Variants in SH3PXD2B observed in about 807,000 individuals in gnomAD.
SH3PXD2B encodes SH3 and PX domains 2B, also known as SH3 and PX domain-containing protein 2B.
In SH3PXD2B, 37 loss-of-function variants were observed where a neutral mutation model predicts 73.1. That is an observed-to-expected ratio of 0.51 (90% confidence interval 0.39 to 0.67). The LOEUF (loss-of-function observed/expected upper bound fraction) is 0.67. SH3PXD2B is among the 30% of genes least tolerant of loss of function. The pLI, the probability that SH3PXD2B is intolerant of heterozygous loss-of-function variation, is 0.00. For synonymous variants in SH3PXD2B, 457 were observed against 480.5 expected (o/e 0.95, Z 0.64); for missense variants, 1,053 against 1,197.8 (o/e 0.88, Z 1.78).
At chr5:172,384,329 T>TA (rs1438916452) in intron 4 of SH3PXD2B, among the ~76,000 whole-genome samples, 1 of 152,014 alleles carries the variant, frequency 6.6e-6, no homozygotes, top group African/African-American at 2.4e-5. Flanking sequence ...TTTCTCCCAT[T>TA]AAAAAAATTA....
At chr5:172,406,136 A>C in intron 3 of SH3PXD2B, 141 bp downstream of exon 3, 4 of 1,029,192 alleles carry the variant, frequency 3.9e-6, no homozygotes, top group Non-Finnish European at 4.3e-6. Context: ...AAATGGGTTA[A>C]TTTCTACAAA....
chr5:172,437,440 C>T (rs182199043), intron 1 of SH3PXD2B, among the ~76,000 whole-genome samples: 18 of 152,160 alleles, frequency 1.2e-4, no homozygotes, highest in Middle Eastern at 3.4e-3. Context: ...AGGAGGAAAC[C>T]GAGGCACAGA....
chr5:172,441,237 G>A (rs1759544385), intron 1 of SH3PXD2B, among the ~76,000 whole-genome samples: 1 of 152,150 alleles, frequency 6.6e-6, no homozygotes, highest in African/African-American at 2.4e-5. Context: ...AGATACCGAG[G>A]TTCTGAGAGG....
At position 172,334,427 on chromosome 5, in the gene SH3PXD2B, C is replaced by CT; in HGVS notation, c.*3941dup. 1 of 988,524 alleles carries CT rather than the reference C, an allele frequency of 1.0e-6. No homozygotes were observed. Among genetic ancestry groups the CT allele is most frequent in the Non-Finnish European group, 1.2e-6 (1 of 832,356 alleles). The allele number at this position is 988,524 out of a possible 1,614,324, so 61.2% of individuals were successfully genotyped here. On this transcript the variant is annotated 3_prime_UTR_variant, in exon 13 of 13. Transcript: ENST00000311601. ...GCTCTACCTCTCATCAGCCCACAGT[C>CT]TGACACGAGGTCATCTTTGGTCTGT...
At chr5:172,419,762 A>G (rs1280016818) in intron 2 of SH3PXD2B, among the ~76,000 whole-genome samples, 1 of 152,088 alleles carries the variant, frequency 6.6e-6, no homozygotes, top group African/African-American at 2.4e-5. Context: ...CGGTGGATGT[A>G]AATAATTCCT....
At chr5:172,403,167 T>A (rs776153029) in intron 3 of SH3PXD2B, among the ~76,000 whole-genome samples, 3 of 152,196 alleles carry the variant, frequency 2.0e-5, no homozygotes, top group Non-Finnish European at 2.9e-5. Flanking sequence ...CAGCCTTTGG[T>A]GGGAATGGTC....
At chr5:172,406,965 G>C (rs1758575120) in intron 2 of SH3PXD2B, among the ~76,000 whole-genome samples, 1 of 152,056 alleles carries the variant, frequency 6.6e-6, no homozygotes, top group African/African-American at 2.4e-5. Flanking sequence ...AGGTACAAGA[G>C]GGCAGAGTCC....
At chr5:172,399,775 A>G (rs1269271849) in intron 3 of SH3PXD2B, among the ~76,000 whole-genome samples, 1 of 152,048 alleles carries the variant, frequency 6.6e-6, no homozygotes, top group Non-Finnish European at 1.5e-5. Flanking sequence ...TTATTTAATT[A>G]TTCTCCTCCT....
chr5:172,353,442 C>T lies in SH3PXD2B; in HGVS notation c.785+446G>A, dbSNP rs1335150950. On this transcript the variant is annotated intron_variant, in intron 9 of 12. Coordinates refer to ENST00000311601, the MANE Select transcript of SH3PXD2B (RefSeq NM_001017995.3). This position sits in a 1 kb window ranked among gnomAD's most constrained non-coding sequence, Gnocchi z 4.3. ...CTGTGAAAGGTGTTTGGAATGCAGA[C>T]GCCCTGCTTTTACCATTGGACTTTG... 2.6e-5 allele frequency among the ~76,000 whole-genome samples: 4 copies of T among 152,196 alleles called. No homozygotes were observed. Among genetic ancestry groups the T allele is most frequent in the East Asian group, 1.9e-4 (1 of 5,184 alleles).
Position 172,334,174 on chromosome 5 carries a change from A to G in SH3PXD2B, c.*4195T>C, listed in dbSNP as rs1561886945. 1.8e-6 allele frequency: 2 copies of G among 1,108,672 alleles called. No individual in the cohort carries two copies. Among genetic ancestry groups the G allele is most frequent in the Non-Finnish European group, 2.2e-6 (2 of 906,454 alleles). The allele number at this position is 1,108,672 out of a possible 1,614,324, so 68.7% of individuals were successfully genotyped here. A position where few individuals can be genotyped will look rare whatever the true frequency, so the allele number is the denominator to read the frequency against. ...ATGTTGAAACATGAGGAGGAGCTCGATAACTTGGCAGAATAGCACCAGAAA... is the reference window on the plus strand; with the variant it reads ...ATGTTGAAACATGAGGAGGAGCTCGGTAACTTGGCAGAATAGCACCAGAAA... On this transcript the variant is annotated 3_prime_UTR_variant, in exon 13 of 13. Transcript: ENST00000311601.
At chr5:172,342,624 G>T (rs1296476433) in intron 12 of SH3PXD2B, among the ~76,000 whole-genome samples, 1 of 152,224 alleles carries the variant, frequency 6.6e-6, no homozygotes, top group Non-Finnish European at 1.5e-5. Flanking sequence ...AGCTGGGTGT[G>T]GTGGCATGCG....
In SH3PXD2B at chr5:172,439,688, G is replaced by GCA. The variant is rs1166130299; in HGVS notation, c.75+14589_75+14590insTG. 3.2e-4 allele frequency among the ~76,000 whole-genome samples: 33 copies of GCA among 104,238 alleles called. No homozygotes were observed. In the South Asian group the frequency reaches 5.2e-3, roughly 16 times the overall value. 68.4% of individuals were successfully genotyped at this position (104,238 alleles called of 152,430 possible). On this transcript the variant is annotated intron_variant, in intron 1 of 12. Coordinates refer to ENST00000311601, the MANE Select transcript of SH3PXD2B (RefSeq NM_001017995.3). ...TGTGTGTGCGTGCGTGCGCGCACGC[G>GCA]CGCGCACACACACACACACACACAC...
At chr5:172,359,003 T>C in intron 7 of SH3PXD2B, 126 bp from the exon 8 acceptor site, 2 of 896,504 alleles carry the variant, frequency 2.2e-6, no homozygotes, top group South Asian at 2.8e-5. Context: ...TACCATTTTA[T>C]TGGTAGAACA....
chr5:172,422,276 T>G, intron 2 of SH3PXD2B, 140 bp downstream of exon 2: 23 of 786,952 alleles, frequency 2.9e-5, no homozygotes, highest in Non-Finnish European at 4.2e-5. Flanking sequence ...ATTACAGGTG[T>G]GAGCCACCAC....
In SH3PXD2B at chr5:172,339,161, A is replaced by T; in HGVS notation, c.1944T>A (p.Pro648=). 1 of 1,614,146 alleles carries T rather than the reference A, an allele frequency of 6.2e-7. No homozygotes were observed. Among genetic ancestry groups the T allele is most frequent in the Non-Finnish European group, 8.5e-7 (1 of 1,180,010 alleles). ...CCTGAGGTGGCTCCGTTTTGGGGGA[A>T]GGAGCTGGTTTTGGCCTAACCTGAG... ...SRPQVRPKPA[P]SPKTEPPQGE... Residue 648 remains proline, a synonymous_variant, in exon 13 of 13, where the codon CCT becomes CCA. Coordinates refer to ENST00000311601, the MANE Select transcript of SH3PXD2B (RefSeq NM_001017995.3). The surrounding 1 kb of genome is among the most constrained non-coding windows in gnomAD (Gnocchi z 6.1).
In SH3PXD2B at chr5:172,350,254, G is replaced by C. The variant is rs1188840005; in HGVS notation, c.1012+109C>G. ...CCTCTGTTTTCTTATCTGGAGGATGGGGGAGCAGCTGGGCTGCTGTGAGGA... is the reference window on the plus strand; with the variant it reads ...CCTCTGTTTTCTTATCTGGAGGATGCGGGAGCAGCTGGGCTGCTGTGAGGA... On this transcript the variant is annotated intron_variant, in intron 10 of 12. Transcript: ENST00000311601. 3 of 1,048,384 alleles carry C rather than the reference G, an allele frequency of 2.9e-6. No individual in the cohort carries two copies. In the Admixed American group the frequency reaches 6.9e-5, roughly 24 times the overall value. 64.9% of individuals were successfully genotyped at this position (1,048,384 alleles called of 1,614,324 possible). A position where few individuals can be genotyped will look rare whatever the true frequency, so the allele number is the denominator to read the frequency against.
In SH3PXD2B at chr5:172,353,825, C is replaced by T; in HGVS notation, c.785+63G>A. ...CTCTGTGAGGCCAGAGTCCCTGTGACCCCAAACCCACCCAGCGTGACCCCA... is the reference window on the plus strand; with the variant it reads ...CTCTGTGAGGCCAGAGTCCCTGTGATCCCAAACCCACCCAGCGTGACCCCA... On this transcript the variant is annotated intron_variant, in intron 9 of 12. Coordinates refer to ENST00000311601, the MANE Select transcript of SH3PXD2B (RefSeq NM_001017995.3). The surrounding 1 kb of genome is among the most constrained non-coding windows in gnomAD (Gnocchi z 4.3). The T allele has an allele frequency of 1.5e-6, 2 of 1,362,276 alleles. No homozygotes were observed. The highest frequency in any genetic ancestry group is 2.1e-6 in the Non-Finnish European group (2 of 951,886). 84.4% of individuals were successfully genotyped at this position (1,362,276 alleles called of 1,614,324 possible).
intron 12 of SH3PXD2B, among the ~76,000 whole-genome samples, chr5:172,341,501 C>T (rs185984810): frequency 6.6e-6 from 1 of 152,152 alleles, no homozygotes; most frequent in Non-Finnish European, 1.5e-5. Context: ...ATGTGATGTG[C>T]CTACTCCTGC....
chr5:172,415,126 T>C (rs1328938326), intron 2 of SH3PXD2B, among the ~76,000 whole-genome samples: 1 of 152,220 alleles, frequency 6.6e-6, no homozygotes, highest in Non-Finnish European at 1.5e-5. Flanking sequence ...GGGTCCCTTG[T>C]GGCAGCTCGA....
Sources: gnomAD v4.1 joint callset for allele counts (sites outside exome capture counted in the v4.1 genomes callset) on GRCh38, gnomAD v4.1.1 for gene constraint, Gnocchi (gnomAD v3.1) non-coding constraint, MANE v1.5 for transcripts, NCBI Gene and HGNC (gene_info 2026-07-23, HGNC 2026-07-21) for gene names.